The following DGKD variants were observed in gnomAD, a reference collection of about 807,000 sequenced individuals.
The protein encoded by DGKD is DAG kinase delta.
A neutral mutation model predicts 154.4 loss-of-function variants in DGKD; 68 were observed. The ratio of observed to expected loss-of-function variants is 0.44; its 90% confidence interval spans 0.36 to 0.54. The LOEUF is 0.54. Ranked by LOEUF, DGKD falls within the 20% of genes least tolerant of loss-of-function variation. DGKD has a pLI of 0.00. For synonymous variants in DGKD, 693 were observed against 638.0 expected (o/e 1.09, Z -1.30); for missense variants, 1,343 against 1,593.6 (o/e 0.84, Z 2.68).
At chr2:233,393,328 T>TA in intron 3 of DGKD, among the ~76,000 whole-genome samples, 1 of 121,040 alleles carries the variant, frequency 8.3e-6, no homozygotes, top group East Asian at 2.5e-4. Flanking sequence ...ACGCCTGGCC[T>TA]GTTTCCTTTT....
chr2:233,365,939 A>G (rs1237118986), intron 1 of DGKD, among the ~76,000 whole-genome samples: 1 of 152,206 alleles, frequency 6.6e-6, no homozygotes, highest in African/African-American at 2.4e-5. Flanking sequence ...AAAATCAGGT[A>G]GTTAGAAGAA....
chr2:233,396,616 C>T (rs1425215732), intron 3 of DGKD, among the ~76,000 whole-genome samples: 2 of 152,134 alleles, frequency 1.3e-5, no homozygotes, highest in Non-Finnish European at 1.5e-5. Context: ...TGGGGAGGGG[C>T]TGGGCAGTCT....
chr2:233,429,140 C>A, intron 3 of DGKD: 1 of 985,276 alleles, frequency 1.0e-6, no homozygotes. Context: ...AAAGATCCAT[C>A]TTCTCAAACG....
At chr2:233,363,161 G>C (rs1050017970) in intron 1 of DGKD, among the ~76,000 whole-genome samples, 1 of 152,192 alleles carries the variant, frequency 6.6e-6, no homozygotes, top group East Asian at 1.9e-4. Context: ...TCCAGAAGAA[G>C]GCATTGTTAT....
At chr2:233,437,131 A>T (rs1022426746) in intron 7 of DGKD, among the ~76,000 whole-genome samples, 2 of 152,216 alleles carry the variant, frequency 1.3e-5, no homozygotes, top group Admixed American at 1.3e-4. Context: ...ACTGTAGCTC[A>T]CACGGTGTGA....
chr2:233,425,770 C>T lies in DGKD; in HGVS notation c.349-8610C>T, dbSNP rs538271205. On this transcript the variant is annotated intron_variant, in intron 3 of 29. Coordinates refer to ENST00000264057, the MANE Select transcript of DGKD (RefSeq NM_152879.3). ...CTGTTATATGAATGTACTGTCATTACTGTAGCCAGTCTCTACCAGCCTTAT... is the reference window on the plus strand; with the variant it reads ...CTGTTATATGAATGTACTGTCATTATTGTAGCCAGTCTCTACCAGCCTTAT... 2.0e-5 allele frequency among the ~76,000 whole-genome samples: 3 copies of T among 152,292 alleles called. No homozygotes were observed. In the East Asian group the frequency reaches 5.8e-4, roughly 29 times the overall value.
In DGKD at chr2:233,393,939, AT is replaced by A. The variant is rs1703820955; in HGVS notation, c.348+3457del. ...TCAGTGCCCACCTTGGCCACCCAAA[AT>A]GCTGGGATTACAGGTGTGAGCCACC... On this transcript the variant is annotated intron_variant, in intron 3 of 29. Coordinates refer to ENST00000264057, the MANE Select transcript of DGKD (RefSeq NM_152879.3). Among the ~76,000 whole-genome samples the A allele has an allele frequency of 4.0e-5, 6 of 150,460 alleles. No individual in the cohort carries two copies. The South Asian group carries it at 1.3e-3, about 32-fold the overall frequency.
In DGKD at chr2:233,450,090, G is replaced by A. The variant is rs756571487; in HGVS notation, c.1997G>A (p.Ser666Asn). 2.5e-6 allele frequency: 4 copies of A among 1,613,894 alleles called. No individual in the cohort carries two copies. The highest frequency in any genetic ancestry group is 3.3e-5 in the Admixed American group (2 of 60,006). Reference protein sequence around the residue: ...DHRVCPPLSHSESFGVPKGRS... With the variant: ...DHRVCPPLSHNESFGVPKGRS... ...AGAGTGTGCCCACCACTGTCCCACAGCGAGAGCTTCGGGGTCCCCAAGGGG... is the reference window on the plus strand; with the variant it reads ...AGAGTGTGCCCACCACTGTCCCACAACGAGAGCTTCGGGGTCCCCAAGGGG... The change falls in exon 16 of 30, where the codon AGC becomes AAC. Residue 666 changes from serine to asparagine, a missense_variant. Physicochemically the swap from Ser to Asn is conservative, Grantham distance 46 (BLOSUM62 1). Transcript: ENST00000264057.
rs1388414419 is a variant in DGKD, at chr2:233,469,804, C to T, written c.*344C>T. The T allele has an allele frequency of 1.2e-5, 3 of 260,338 alleles. No individual in the cohort carries two copies. The highest frequency in any genetic ancestry group is 2.2e-5 in the Non-Finnish European group (3 of 135,028). 16.1% of individuals were successfully genotyped at this position (260,338 alleles called of 1,614,324 possible). The stretch of plus-strand genomic sequence containing the variant: ...CGTCTGGCCTCCTGGGCACTGCTTG[C>T]CTGGCCTCGTGCTTGGATTGTCCCG... On this transcript the variant is annotated 3_prime_UTR_variant, in exon 30 of 30. Transcript: ENST00000264057.
At chr2:233,389,865 C>G (rs1180129534) in intron 2 of DGKD, among the ~76,000 whole-genome samples, 1 of 152,144 alleles carries the variant, frequency 6.6e-6, no homozygotes, top group Admixed American at 6.5e-5. Context: ...GATCCTTCTG[C>G]TCTACTCCCT....
At position 233,460,704 on chromosome 2, in the gene DGKD, C is replaced by T. The variant is rs1486203210; in HGVS notation, c.2981+359C>T. Reference sequence around the variant, plus strand: ...AAGAGATTGAGACCATTCTGGCTAACATGGTGAAACCCCGTCTCTACTAAA... The same window carrying T: ...AAGAGATTGAGACCATTCTGGCTAATATGGTGAAACCCCGTCTCTACTAAA... On this transcript the variant is annotated intron_variant, in intron 24 of 29. Transcript: ENST00000264057. Among the ~76,000 whole-genome samples, 5 of 152,178 alleles carry T rather than the reference C, an allele frequency of 3.3e-5. No individual in the cohort carries two copies. In the East Asian group the frequency reaches 9.7e-4, roughly 29 times the overall value.
rs577935691 is a variant in DGKD at position 233,395,457 on chromosome 2, A to G, written c.348+4974A>G. 2.6e-5 allele frequency among the ~76,000 whole-genome samples: 4 copies of G among 152,284 alleles called. No individual in the cohort carries two copies. The East Asian group carries it at 7.7e-4, about 29-fold the overall frequency. On this transcript the variant is annotated intron_variant, in intron 3 of 29. Coordinates refer to ENST00000264057, the MANE Select transcript of DGKD (RefSeq NM_152879.3). Reference sequence around the variant, plus strand: ...AGTGCTGAGGTTACAGGCATGAGCCACCACACCCAGCCATGCTTTCTTATT... The same window carrying G: ...AGTGCTGAGGTTACAGGCATGAGCCGCCACACCCAGCCATGCTTTCTTATT...
At chr2:233,416,712 A>G (rs73995944) in intron 3 of DGKD, among the ~76,000 whole-genome samples, 4,638 of 152,154 alleles carry the variant, frequency 0.03, 232 homozygotes, top group African/African-American at 0.11. Flanking sequence ...TCCCTTCCAG[A>G]CTTACTACCA....
chr2:233,441,672 G>C lies in DGKD; in HGVS notation c.1086-215G>C, dbSNP rs2062895067. Among the ~76,000 whole-genome samples the C allele has an allele frequency of 6.6e-6, 1 of 152,162 alleles. No homozygotes were observed. The highest frequency in any genetic ancestry group is 2.1e-4 in the South Asian group (1 of 4,824). ...GCTGGGTGGGGCGTGGCTGGTGGGAGCAGTTGGCTGGACCCCAGTGCTGCT... is the reference window on the plus strand; with the variant it reads ...GCTGGGTGGGGCGTGGCTGGTGGGACCAGTTGGCTGGACCCCAGTGCTGCT... On this transcript the variant is annotated intron_variant, in intron 9 of 29. Coordinates refer to ENST00000264057, the MANE Select transcript of DGKD (RefSeq NM_152879.3). The surrounding 1 kb of genome is among the most constrained non-coding windows in gnomAD (Gnocchi z 5.6).
chr2:233,468,727 C>A (rs562746569), intron 29 of DGKD, among the ~76,000 whole-genome samples, 174 bp downstream of exon 29: 6 of 152,274 alleles, frequency 3.9e-5, no homozygotes, highest in Non-Finnish European at 8.8e-5. Flanking sequence ...ATGGCTCCAC[C>A]CACCACAACC....
In DGKD at chr2:233,424,893, C is replaced by T. The variant is rs75885954; in HGVS notation, c.349-9487C>T. On this transcript the variant is annotated intron_variant, in intron 3 of 29. Coordinates refer to ENST00000264057, the MANE Select transcript of DGKD (RefSeq NM_152879.3). ...ATGTGTGTGTAAGCCAGAGTCCACC[C>T]TCTTTTCCATTTGAGAAATCACGTC... Among the ~76,000 whole-genome samples the T allele has an allele frequency of 5.3e-3, 802 of 152,334 alleles. 8 individuals carry two copies. Among genetic ancestry groups the T allele is most frequent in the African/African-American group, 0.018 (737 of 41,572 alleles).
intron 27 of DGKD, among the ~76,000 whole-genome samples, chr2:233,465,541 G>A (rs1291579101): frequency 6.6e-6 from 1 of 152,102 alleles, no homozygotes; most frequent in Non-Finnish European, 1.5e-5. Flanking sequence ...CACGTTAGCC[G>A]AGGAGTTCAA....
At chr2:233,399,364 T>C (rs1238804132) in intron 3 of DGKD, among the ~76,000 whole-genome samples, 1 of 152,224 alleles carries the variant, frequency 6.6e-6, no homozygotes, top group Admixed American at 6.5e-5. Flanking sequence ...ATTGTTCGGC[T>C]CTGCAGGAAG....
chr2:233,441,358 C>T lies in DGKD; in HGVS notation c.1086-529C>T, dbSNP rs2062880778. Among the ~76,000 whole-genome samples, 1 of 152,174 alleles carries T rather than the reference C, an allele frequency of 6.6e-6. No individual in the cohort carries two copies. The highest frequency in any genetic ancestry group is 1.9e-4 in the East Asian group (1 of 5,196). ...CAGCAGGTCAGGCAGCCTGGGGCTC[C>T]AGGGTGACCAGAACAAGGGCCAGGG... On this transcript the variant is annotated intron_variant, in intron 9 of 29. Coordinates refer to ENST00000264057, the MANE Select transcript of DGKD (RefSeq NM_152879.3). This position sits in a 1 kb window ranked among gnomAD's most constrained non-coding sequence, Gnocchi z 5.6.
Sources: gnomAD v4.1 joint callset for allele counts (sites outside exome capture counted in the v4.1 genomes callset) on GRCh38, gnomAD v4.1.1 for gene constraint, Gnocchi (gnomAD v3.1) non-coding constraint, MANE v1.5 for transcripts, NCBI Gene and HGNC (gene_info 2026-07-23, HGNC 2026-07-21) for gene names.